Variants in TEC observed in about 807,000 individuals in gnomAD.
TEC encodes tec protein tyrosine kinase, also known as tyrosine-protein kinase Tec.
Under a neutral mutation model 93.0 loss-of-function variants are expected in TEC, and 72 were observed. That is an observed-to-expected ratio of 0.77 (90% CI 0.64 to 0.94). TEC has a LOEUF of 0.94. TEC is among the 40% of genes least tolerant of loss of function. The pLI, the probability that TEC is intolerant of heterozygous loss-of-function variation, is 0.00. For synonymous variants in TEC, 249 were observed against 247.7 expected, an observed-to-expected ratio of 1.01 and a Z score of -0.05; for missense variants, 630 against 757.9, an observed-to-expected ratio of 0.83 and a Z score of 1.98.
chr4:48,233,714 G>A (rs554264853), intron 1 of TEC, among the ~76,000 whole-genome samples: 6 of 149,038 alleles, frequency 4.0e-5, no homozygotes, highest in African/African-American at 1.5e-4. Context: ...GCCAAAATAA[G>A]AAATAGAGCC....
chr4:48,142,931 C>T (rs1719747605), intron 14 of TEC, among the ~76,000 whole-genome samples: 1 of 152,180 alleles, frequency 6.6e-6, no homozygotes, highest in Non-Finnish European at 1.5e-5. Context: ...ATCCGCCCGC[C>T]TCGGCCTCCA....
At chr4:48,154,312 C>T (rs1720307722) in intron 9 of TEC, among the ~76,000 whole-genome samples, 1 of 152,220 alleles carries the variant, frequency 6.6e-6, no homozygotes, top group African/African-American at 2.4e-5. Context: ...ACTGGTCAGA[C>T]AGGTTTAGGT....
intron 2 of TEC, among the ~76,000 whole-genome samples, chr4:48,186,806 G>A (rs1290167382): frequency 6.7e-6 from 1 of 149,660 alleles, no homozygotes; most frequent in African/African-American, 2.5e-5. Flanking sequence ...CCATCTGGGA[G>A]GGAGGTTGGG....
chr4:48,266,340 G>C (rs1332547215), intron 1 of TEC, among the ~76,000 whole-genome samples: 1 of 152,130 alleles, frequency 6.6e-6, no homozygotes, highest in Non-Finnish European at 1.5e-5. Flanking sequence ...GGAACCCTTG[G>C]GGTGACAAGT....
At position 48,137,260 on chromosome 4, in the gene TEC, AGTCT is replaced by A; in HGVS notation, c.*152_*155del. ...CTCTGGGAGATTCTGTCTAGAAGCA[AGTCT>A]AGACAGAGGCTGGTCTAGAAGCAAA... On this transcript the variant is annotated 3_prime_UTR_variant, in exon 18 of 18. Transcript: ENST00000381501. 3 of 618,696 alleles carry A rather than the reference AGTCT, an allele frequency of 4.8e-6. No individual in the cohort carries two copies. Among genetic ancestry groups the A allele is most frequent in the Non-Finnish European group, 8.6e-6 (3 of 349,044 alleles). The allele number at this position is 618,696 out of a possible 1,614,324, so 38.3% of individuals were successfully genotyped here. A position where few individuals can be genotyped will look rare whatever the true frequency, so the allele number is the denominator to read the frequency against.
Position 48,250,301 on chromosome 4 carries a change from A to C in TEC, c.-46+19451T>G, listed in dbSNP as rs569543534. On this transcript the variant is annotated intron_variant, in intron 1 of 17. Coordinates refer to ENST00000381501, the MANE Select transcript of TEC (RefSeq NM_003215.3). ...TCTAATTCATCAGCATGTTCTTTGG[A>C]CTGTACCCCTAAATATTTCCTGAAC... is the stretch of plus-strand genomic sequence containing the variant. Among the ~76,000 whole-genome samples the C allele has an allele frequency of 1.2e-3, 180 of 152,204 alleles. 2 individuals are homozygous for C. The Middle Eastern group carries it at 0.014, about 12-fold the overall frequency.
At chr4:48,192,392 T>G (rs1722122991) in intron 2 of TEC, among the ~76,000 whole-genome samples, 1 of 152,080 alleles carries the variant, frequency 6.6e-6, no homozygotes, top group Non-Finnish European at 1.5e-5. Flanking sequence ...GAGAAAACTT[T>G]TAGGGGTTAT....
chr4:48,220,075 G>GTCAT (rs1560414519), intron 2 of TEC, among the ~76,000 whole-genome samples: 1 of 151,644 alleles, frequency 6.6e-6, no homozygotes, highest in Non-Finnish European at 1.5e-5. Context: ...ATACATTTAT[G>GTCAT]TCATGGTTCA....
At chr4:48,250,386 A>G (rs1378204307) in intron 1 of TEC, among the ~76,000 whole-genome samples, 3 of 152,192 alleles carry the variant, frequency 2.0e-5, no homozygotes, top group Non-Finnish European at 4.4e-5. Flanking sequence ...GATTGGAATA[A>G]TGGCCCCAAT....
intron 1 of TEC, among the ~76,000 whole-genome samples, chr4:48,233,330 C>G (rs926402018): frequency 2.7e-5 from 4 of 149,004 alleles, no homozygotes; most frequent in African/African-American, 9.8e-5. Context: ...CATGAAGCTT[C>G]CAATTGACAC....
In TEC at chr4:48,156,718, T is replaced by C. The variant is rs1720418920; in HGVS notation, c.754A>G (p.Met252Val). ...AGTTGCTCTGCCTTGCTTCTATTCA[T>C]ATTTCTGCAATACCATCTGAACAGA... ...LDQYEWYCRN[M>V]NRSKAEQLLR... The change falls in exon 9 of 18, where the codon ATG (methionine) becomes GTG (valine). Residue 252 changes from methionine to valine, a missense_variant. Around this residue, in one of 3 missense-constraint regions of TEC, gnomAD observed 335 missense variants for 351.5 expected, o/e 0.95. Transcript: ENST00000381501. 1.9e-6 allele frequency: 3 copies of C among 1,612,084 alleles called. No homozygotes were observed. The highest frequency in any genetic ancestry group is 1.3e-5 in the African/African-American group (1 of 74,918).
chr4:48,258,657 C>G (rs1724409394), intron 1 of TEC, among the ~76,000 whole-genome samples: 1 of 152,186 alleles, frequency 6.6e-6, no homozygotes, highest in Non-Finnish European at 1.5e-5. Context: ...GTGTAGCCCT[C>G]TCCTGAGTCC....
chr4:48,187,821 C>G (rs1323908258), intron 2 of TEC, among the ~76,000 whole-genome samples: 1 of 152,220 alleles, frequency 6.6e-6, no homozygotes, highest in Non-Finnish European at 1.5e-5. Context: ...AGATCTCTTA[C>G]TGCCTAAGTT....
intron 1 of TEC, among the ~76,000 whole-genome samples, chr4:48,260,705 T>C (rs975193132): frequency 6.6e-6 from 1 of 152,106 alleles, no homozygotes; most frequent in Non-Finnish European, 1.5e-5. Context: ...CAAAGAAAAT[T>C]ATGCATGGAC....
chr4:48,155,731 T>G (rs1430564164), intron 9 of TEC: 1 of 152,208 alleles, frequency 6.6e-6, no homozygotes, highest in Non-Finnish European at 1.5e-5. Context: ...AGACTGACTC[T>G]GGAACTGTGT....
At chr4:48,239,812 A>G (rs1403242325) in intron 1 of TEC, among the ~76,000 whole-genome samples, 2 of 152,170 alleles carry the variant, frequency 1.3e-5, no homozygotes, top group Admixed American at 6.5e-5. Flanking sequence ...AGGGTCTGAC[A>G]TATATTTAGT....
At chr4:48,266,000 A>G (rs1380214065) in intron 1 of TEC, among the ~76,000 whole-genome samples, 1 of 152,220 alleles carries the variant, frequency 6.6e-6, no homozygotes, top group Non-Finnish European at 1.5e-5. Flanking sequence ...ACCTGTACAC[A>G]GATTACAAGA....
intron 2 of TEC, among the ~76,000 whole-genome samples, chr4:48,224,998 A>G (rs1477642488): frequency 6.6e-6 from 1 of 152,164 alleles, no homozygotes; most frequent in African/African-American, 2.4e-5. Flanking sequence ...TTGTTTTTCT[A>G]TTGAAAACAG....
intron 2 of TEC, among the ~76,000 whole-genome samples, chr4:48,182,535 C>CTGTGTGTGTGTG (rs60434609): frequency 0.019 from 2,836 of 147,302 alleles, 44 homozygotes; most frequent in Middle Eastern, 0.031. Context: ...GGGCAATACT[C>CTGTGTGTGTGTG]TGTGTGTGTG....
Sources: allele counts gnomAD v4.1 joint callset (sites outside exome capture counted in the v4.1 genomes callset), GRCh38; gene constraint gnomAD v4.1.1; regional missense constraint gnomAD v4.1.1; transcripts MANE v1.5; gene names NCBI Gene and HGNC (gene_info 2026-07-23, HGNC 2026-07-21).